The following CLDN10 variants were observed in gnomAD, a reference collection of about 807,000 sequenced individuals.
CLDN10 encodes claudin-10.
CLDN10 carries 15 observed loss-of-function variants against 22.9 expected under a neutral mutation model. The ratio of observed to expected loss-of-function variants is 0.65; its 90% CI spans 0.44 to 1.01. CLDN10 has a LOEUF of 1.01. Ranked by LOEUF, CLDN10 falls within the 50% of genes least tolerant of loss-of-function variation. The pLI is 0.00. For synonymous variants in CLDN10, 114 were observed against 111.4 expected, an observed-to-expected ratio of 1.02 and a Z score of -0.15; for missense variants, 247 against 287.8, an observed-to-expected ratio of 0.86 and a Z score of 1.03.
chr13:95,570,969 G>C (rs1594621780), intron 3 of CLDN10, among the ~76,000 whole-genome samples: 1 of 149,852 alleles, frequency 6.7e-6, no homozygotes, highest in South Asian at 2.1e-4. Context: ...TGGACAATTT[G>C]TAACATATTA....
At chr13:95,501,666 T>C (rs2042986895) in intron 1 of CLDN10, among the ~76,000 whole-genome samples, 1 of 152,206 alleles carries the variant, frequency 6.6e-6, no homozygotes, top group South Asian at 2.1e-4. Context: ...TTTCTTTATA[T>C]TGCAAGTGCA....
chr13:95,521,502 T>C (rs2043224231), intron 1 of CLDN10, among the ~76,000 whole-genome samples: 1 of 152,164 alleles, frequency 6.6e-6, no homozygotes, highest in African/African-American at 2.4e-5. Context: ...TTTCTAATAT[T>C]AAACCAAACT....
intron 3 of CLDN10, among the ~76,000 whole-genome samples, chr13:95,570,235 T>G (rs2043837236): frequency 6.6e-6 from 1 of 152,328 alleles, no homozygotes; most frequent in Non-Finnish European, 1.5e-5. Flanking sequence ...AAAGTCTGCA[T>G]GTAAACCTGT....
chr13:95,444,474 AG>A (rs1168362610), intron 1 of CLDN10, among the ~76,000 whole-genome samples: 3 of 152,236 alleles, frequency 2.0e-5, no homozygotes, highest in African/African-American at 7.2e-5. Context: ...GGAACAGGAC[AG>A]GGGCAGTTCT....
At chr13:95,435,747 T>G (rs1347799365) in intron 1 of CLDN10, among the ~76,000 whole-genome samples, 1 of 152,168 alleles carries the variant, frequency 6.6e-6, no homozygotes, top group Non-Finnish European at 1.5e-5. Context: ...CTTTTTCACC[T>G]TAGGAATCAG....
exon 1 of CLDN10, chr13:95,433,835 T>C (rs780076642): frequency 1.2e-6 from 2 of 1,613,942 alleles, no homozygotes; most frequent in Non-Finnish European, 1.7e-6. Context: ...CGGCGCGACA[T>C]GTCCAGGGCG....
chr13:95,469,668 C>T (rs2042612020), intron 1 of CLDN10, among the ~76,000 whole-genome samples: 1 of 152,186 alleles, frequency 6.6e-6, no homozygotes, highest in South Asian at 2.1e-4. Context: ...TGTTCCCTTG[C>T]TCTCCTTGTG....
chr13:95,554,661 G>A (rs889849061), intron 1 of CLDN10, among the ~76,000 whole-genome samples: 1 of 152,104 alleles, frequency 6.6e-6, no homozygotes, highest in Non-Finnish European at 1.5e-5. Context: ...AACATAAATG[G>A]CATGACACTA....
At chr13:95,556,786 C>G (rs572625915) in intron 1 of CLDN10, among the ~76,000 whole-genome samples, 2 of 152,298 alleles carry the variant, frequency 1.3e-5, no homozygotes, top group African/African-American at 4.8e-5. Context: ...CTTTTTTCCC[C>G]CCTAAATCCA....
chr13:95,525,504 T>G (rs1050380611), intron 1 of CLDN10, among the ~76,000 whole-genome samples: 2 of 152,144 alleles, frequency 1.3e-5, no homozygotes, highest in Non-Finnish European at 2.9e-5. Flanking sequence ...TTTCTTTTTG[T>G]TTTTGTGAGA....
chr13:95,437,990 C>A (rs967220819), intron 1 of CLDN10, among the ~76,000 whole-genome samples: 5 of 152,200 alleles, frequency 3.3e-5, no homozygotes, highest in South Asian at 2.1e-4. Context: ...AGAATTATAG[C>A]CATAAAAGTA....
Position 95,466,777 on chromosome 13 carries a change from A to C in CLDN10, c.214+32730A>C, listed in dbSNP as rs2042584764. Among the ~76,000 whole-genome samples the C allele has an allele frequency of 2.0e-5, 3 of 152,162 alleles. No individual in the cohort carries two copies. The South Asian group carries it at 6.2e-4, about 32-fold the overall frequency. On this transcript the variant is annotated intron_variant, in intron 1 of 4. Coordinates refer to the CLDN10 transcript ENST00000376873. Reference sequence around the variant, plus strand: ...ATTTTAGTATAGAAATAATGTACAAAAGTAGAGAAAATAGTATAATAATCC... The same window carrying C: ...ATTTTAGTATAGAAATAATGTACAACAGTAGAGAAAATAGTATAATAATCC...
At chr13:95,442,675 AT>A (rs2042335902) in intron 1 of CLDN10, among the ~76,000 whole-genome samples, 1 of 152,144 alleles carries the variant, frequency 6.6e-6, no homozygotes, top group Non-Finnish European at 1.5e-5. Context: ...AAAAGAGCAA[AT>A]GTTTACTTGA....
intron 1 of CLDN10, among the ~76,000 whole-genome samples, chr13:95,526,917 G>C (rs2043287610): frequency 6.6e-6 from 1 of 152,120 alleles, no homozygotes; most frequent in African/African-American, 2.4e-5. Context: ...TCTTCATTTG[G>C]AACAGGTGTC....
chr13:95,473,646 C>T (rs1259887552), intron 1 of CLDN10, among the ~76,000 whole-genome samples: 2 of 152,246 alleles, frequency 1.3e-5, no homozygotes, highest in Non-Finnish European at 2.9e-5. Flanking sequence ...CCCAGAAGGG[C>T]TACGGGAACC....
At chr13:95,494,920 C>G (rs2042911837) in intron 1 of CLDN10, among the ~76,000 whole-genome samples, 1 of 152,084 alleles carries the variant, frequency 6.6e-6, no homozygotes, top group Non-Finnish European at 1.5e-5. Flanking sequence ...CCCTCCACCC[C>G]TACTCTTAAA....
intron 1 of CLDN10, among the ~76,000 whole-genome samples, chr13:95,502,018 A>G (rs551714456): frequency 2.6e-5 from 4 of 152,328 alleles, no homozygotes; most frequent in African/African-American, 9.6e-5. Flanking sequence ...CTTTGAATTC[A>G]TAGCATCTAA....
intron 1 of CLDN10, among the ~76,000 whole-genome samples, chr13:95,494,833 C>A (rs1434274302): frequency 6.6e-6 from 1 of 152,016 alleles, no homozygotes; most frequent in Non-Finnish European, 1.5e-5. Context: ...AGACATGAAA[C>A]CTCATCGTAA....
chr13:95,489,088 A>AT (rs2042840355), intron 1 of CLDN10, among the ~76,000 whole-genome samples: 1 of 104,640 alleles, frequency 9.6e-6, no homozygotes, highest in Non-Finnish European at 1.9e-5. Flanking sequence ...AGAAGCTGGG[A>AT]TTCAGGCACT....
Sources: gnomAD v4.1 joint callset for allele counts (sites outside exome capture counted in the v4.1 genomes callset) on GRCh38, gnomAD v4.1.1 for gene constraint, MANE v1.5 for transcripts, NCBI Gene and HGNC (gene_info 2026-07-23, HGNC 2026-07-21) for gene names.